DOCK1: variants seen among roughly 807,000 people sequenced by gnomAD.
The protein encoded by DOCK1 is dedicator of cytokinesis 1.
Under a neutral mutation model 262.7 loss-of-function variants are expected in DOCK1, and 138 were observed. The ratio of observed to expected loss-of-function variants is 0.53; its 90% confidence interval spans 0.46 to 0.61. DOCK1 has a LOEUF of 0.61. Among genes scored for constraint, DOCK1 ranks in the 20% least tolerant of loss-of-function variants. The pLI is 0.00. For synonymous variants in DOCK1, 866 were observed against 867.4 expected (o/e 1.00, Z 0.03); for missense variants, 1,908 against 2,370.7 (o/e 0.80, Z 4.05).
intron 1 of DOCK1, among the ~76,000 whole-genome samples, chr10:126,954,089 G>T (rs1381675039): frequency 2.0e-5 from 3 of 152,188 alleles, no homozygotes; most frequent in African/African-American, 4.8e-5. Context: ...AGCAAACAGG[G>T]TTTTATAGCC....
At chr10:126,950,149 C>T (rs960877231) in intron 1 of DOCK1, among the ~76,000 whole-genome samples, 6 of 151,974 alleles carry the variant, frequency 3.9e-5, no homozygotes, top group East Asian at 3.8e-4. Context: ...AGGTAGTCCA[C>T]GAGAAGCAGT....
Position 127,112,941 on chromosome 10 carries a change from G to A in DOCK1, c.2623+2587G>A, listed in dbSNP as rs1467095996. Reference sequence around the variant, plus strand: ...TGTTTTTCTCATCTGCAAGCTCTCTGCTTGTTCAAAGCAGCCAACAGACAT... The same window carrying A: ...TGTTTTTCTCATCTGCAAGCTCTCTACTTGTTCAAAGCAGCCAACAGACAT... On this transcript the variant is annotated intron_variant, in intron 25 of 51. Coordinates refer to ENST00000623213, the MANE Select transcript of DOCK1 (RefSeq NM_001290223.2). Among the ~76,000 whole-genome samples the A allele has an allele frequency of 2.6e-5, 4 of 152,054 alleles. No individual in the cohort carries two copies. The East Asian group carries it at 7.7e-4, about 29-fold the overall frequency.
intron 27 of DOCK1, among the ~76,000 whole-genome samples, chr10:127,232,709 T>C (rs1001860033): frequency 6.6e-5 from 10 of 152,196 alleles, no homozygotes; most frequent in Admixed American, 6.5e-4. Context: ...TCAAAACAAG[T>C]GGACTTCATT....
intron 29 of DOCK1, among the ~76,000 whole-genome samples, chr10:127,331,812 G>A (rs1342446564): frequency 2.6e-5 from 4 of 152,176 alleles, no homozygotes; most frequent in African/African-American, 9.7e-5. Context: ...TGGTATACAC[G>A]ATGTGGCATA....
Position 127,042,709 on chromosome 10 carries a change from G to T in DOCK1, c.2095G>T (p.Ala699Ser), listed in dbSNP as rs1287441421. ...SETFDTLVFD[A>S]LVFIIGLIAD... The stretch of plus-strand genomic sequence containing the variant: ...GACTTTTGACACGTTAGTCTTTGAT[G>T]CTCTGGTAAGAGAGCTTTCCTTCTC... The change falls in exon 20 of 52, where the codon GCT becomes TCT. Residue 699 changes from alanine to serine, a missense_variant. By Grantham distance (99) the Ala-to-Ser change is moderately conservative. Around this residue, in one of 9 missense-constraint regions of DOCK1, gnomAD observed 294 missense variants for 439.9 expected, o/e 0.67. Transcript: ENST00000623213. 6.2e-7 allele frequency: 1 copy of T among 1,614,014 alleles called. No homozygotes were observed. The highest frequency in any genetic ancestry group is 8.5e-7 in the Non-Finnish European group (1 of 1,179,914).
intron 27 of DOCK1, among the ~76,000 whole-genome samples, chr10:127,169,058 G>T (rs2054329744): frequency 6.6e-6 from 1 of 152,116 alleles, no homozygotes; most frequent in Non-Finnish European, 1.5e-5. Context: ...CAATATTCTA[G>T]GTTAACGCAA....
chr10:127,256,875 G>T (rs777181042), intron 28 of DOCK1, among the ~76,000 whole-genome samples: 26 of 152,140 alleles, frequency 1.7e-4, no homozygotes, highest in Non-Finnish European at 2.8e-4. Flanking sequence ...GTACCTGTTG[G>T]AGCCTTTCGT....
At chr10:127,047,929 G>C (rs1160261139) in intron 21 of DOCK1, among the ~76,000 whole-genome samples, 1 of 152,220 alleles carries the variant, frequency 6.6e-6, no homozygotes. Context: ...ATGGATACAT[G>C]AAGTGTTTCT....
At chr10:126,958,506 A>G (rs1036025297) in intron 1 of DOCK1, among the ~76,000 whole-genome samples, 8,999 of 152,214 alleles carry the variant, frequency 0.059, 306 homozygotes, top group African/African-American at 0.078. Context: ...CCACATCTGT[A>G]CAGAAGGTGA....
chr10:127,189,278 A>G (rs1258123037), intron 27 of DOCK1, among the ~76,000 whole-genome samples: 1 of 152,242 alleles, frequency 6.6e-6, no homozygotes, highest in African/African-American at 2.4e-5. Flanking sequence ...TGATGCTTCC[A>G]TGTGGAATTA....
intron 23 of DOCK1, among the ~76,000 whole-genome samples, chr10:127,071,511 T>C (rs1489295972): frequency 6.6e-6 from 1 of 152,260 alleles, no homozygotes; most frequent in Non-Finnish European, 1.5e-5. Flanking sequence ...CAAGTATTTC[T>C]ATTGGTTTTC....
intron 33 of DOCK1, among the ~76,000 whole-genome samples, chr10:127,364,720 T>C (rs1332989950): frequency 6.6e-6 from 1 of 152,106 alleles, no homozygotes; most frequent in Admixed American, 6.5e-5. Flanking sequence ...ATTCCAACCG[T>C]GGACAGTAGA....
At chr10:126,985,869 G>T (rs968366943) in intron 4 of DOCK1, among the ~76,000 whole-genome samples, 1 of 152,066 alleles carries the variant, frequency 6.6e-6, no homozygotes, top group Non-Finnish European at 1.5e-5. Flanking sequence ...TTTTGAGATG[G>T]TGTCTCGCTT....
chr10:126,920,765 C>G lies in DOCK1; in HGVS notation c.46+15202C>G, dbSNP rs535222907. ...ACTACCATCTGACCCAGTGATTCTT[C>G]TCTTAGGTGTGCACCCAGAAGAAGT... On this transcript the variant is annotated intron_variant, in intron 1 of 51. Transcript: ENST00000623213. Among the ~76,000 whole-genome samples the G allele has an allele frequency of 2.0e-5, 3 of 152,320 alleles. 1 individual carries two copies. In the South Asian group the frequency reaches 6.2e-4, roughly 32 times the overall value.
intron 35 of DOCK1, among the ~76,000 whole-genome samples, chr10:127,376,766 T>C (rs2065516714): frequency 6.6e-6 from 1 of 152,222 alleles, no homozygotes; most frequent in East Asian, 1.9e-4. Flanking sequence ...TTTATTAGTC[T>C]TCCAACTTTG....
rs2064075735 is a variant in DOCK1 at position 127,355,055 on chromosome 10, C to T, written c.3283+328C>T. ...AGTTCCTTCTGCGTCAAATAGGAAG[C>T]TCATCCTGCTGTGACATTTGCCATC... is the stretch of plus-strand genomic sequence containing the variant. On this transcript the variant is annotated intron_variant, in intron 32 of 51. Transcript: ENST00000623213. 2.0e-5 allele frequency among the ~76,000 whole-genome samples: 3 copies of T among 152,172 alleles called. No homozygotes were observed. The South Asian group carries it at 6.2e-4, about 31-fold the overall frequency.
rs540690644 is a variant in DOCK1, at chr10:127,286,912, G to C, written c.3044+29483G>C. ...TTTTTTTGAGAGAGAGTCTTGCTCTGTCGCCCAGGCTGGAGTGCAGTGGCA... is the reference window on the plus strand; with the variant it reads ...TTTTTTTGAGAGAGAGTCTTGCTCTCTCGCCCAGGCTGGAGTGCAGTGGCA... On this transcript the variant is annotated intron_variant, in intron 29 of 51. Coordinates refer to ENST00000623213, the MANE Select transcript of DOCK1 (RefSeq NM_001290223.2). Among the ~76,000 whole-genome samples, 316 of 143,988 alleles carry C rather than the reference G, an allele frequency of 2.2e-3. 5 individuals are homozygous for C. Among genetic ancestry groups the C allele is most frequent in the Middle Eastern group, 7.1e-3 (2 of 280 alleles). 94.5% of individuals were successfully genotyped at this position (143,988 alleles called of 152,430 possible). A position where few individuals can be genotyped will look rare whatever the true frequency, so the allele number is the denominator to read the frequency against.
At chr10:127,241,135 C>G (rs540720583) in intron 27 of DOCK1, among the ~76,000 whole-genome samples, 2 of 152,158 alleles carry the variant, frequency 1.3e-5, no homozygotes, top group South Asian at 4.1e-4. Context: ...TCAGCCTGGC[C>G]AACCTGGCAA....
intron 31 of DOCK1, among the ~76,000 whole-genome samples, chr10:127,350,942 A>G (rs1187747187): frequency 6.6e-6 from 1 of 152,182 alleles, no homozygotes; most frequent in Non-Finnish European, 1.5e-5. Flanking sequence ...AAAGCCTAGG[A>G]TTGAGCACCA....
Sources: gnomAD v4.1 joint callset for allele counts (sites outside exome capture counted in the v4.1 genomes callset) on GRCh38, gnomAD v4.1.1 for gene constraint, gnomAD v4.1.1 regional missense constraint, MANE v1.5 for transcripts, NCBI Gene and HGNC (gene_info 2026-07-23, HGNC 2026-07-21) for gene names.